Variants in AK7 observed in about 807,000 individuals in gnomAD.
The protein encoded by AK7 is ATP-AMP transphosphorylase 7.
In AK7, 78 loss-of-function variants were observed where a neutral mutation model predicts 96.6. That is an observed-to-expected ratio of 0.81 (90% confidence interval 0.67 to 0.97). The LOEUF (loss-of-function observed/expected upper bound fraction) is 0.97, where lower values mean the gene tolerates loss of function less well. Among genes scored for constraint, AK7 ranks in the 50% least tolerant of loss-of-function variants. The pLI is 0.00. For missense variants in AK7, 855 were observed against 887.9 expected (o/e 0.96, Z 0.47); for synonymous variants, 302 against 317.2 (o/e 0.95, Z 0.51).
chr14:96,445,429 G>A (rs1165058983), intron 7 of AK7, among the ~76,000 whole-genome samples: 1 of 152,188 alleles, frequency 6.6e-6, no homozygotes, highest in African/African-American at 2.4e-5. Context: ...GGAGGCCAAG[G>A]TGGGAGGTTC....
intron 1 of AK7, 67 bp from the exon 2 acceptor site, chr14:96,398,007 AT>A (rs1890172714): frequency 2.7e-6 from 4 of 1,507,328 alleles, no homozygotes; most frequent in Non-Finnish European, 3.6e-6. Context: ...AGTTTCTAGA[AT>A]CATCATTCAC....
At chr14:96,465,820 G>A (rs527964646) in intron 12 of AK7, among the ~76,000 whole-genome samples, 69 of 152,068 alleles carry the variant, frequency 4.5e-4, no homozygotes, top group Non-Finnish European at 5.3e-4. Flanking sequence ...AACCAGCCTG[G>A]CCAAGATGGT....
intron 4 of AK7, among the ~76,000 whole-genome samples, chr14:96,410,091 A>T (rs1055603590): frequency 1.3e-5 from 2 of 152,190 alleles, no homozygotes; most frequent in African/African-American, 4.8e-5. Context: ...TAACAAGGAG[A>T]TATTTAGGGA....
At chr14:96,423,649 C>T (rs1307061333) in intron 5 of AK7, 31 of 613,710 alleles carry the variant, frequency 5.1e-5, no homozygotes, top group Non-Finnish European at 6.2e-6. Context: ...AACTGGAGAA[C>T]ACAGCTCGGG....
At chr14:96,403,427 G>C (rs574517611) in intron 2 of AK7, among the ~76,000 whole-genome samples, 2 of 152,238 alleles carry the variant, frequency 1.3e-5, no homozygotes, top group African/African-American at 4.8e-5. Flanking sequence ...GTGAGACTTT[G>C]GTTGTTCAAG....
chr14:96,457,934 T>A (rs1288484082), intron 11 of AK7, 149 bp from the exon 12 acceptor site: 5 of 964,092 alleles, frequency 5.2e-6, no homozygotes, highest in Non-Finnish European at 7.8e-6. Flanking sequence ...TGTGGATATG[T>A]GCATCCTGCA....
intron 5 of AK7, chr14:96,424,290 G>A (rs923964753): frequency 2.4e-6 from 1 of 408,440 alleles, no homozygotes; most frequent in Admixed American, 4.6e-5. Context: ...CGACACGGGG[G>A]TCTCCGCCAG....
Position 96,428,933 on chromosome 14 carries a change from G to A in AK7, c.609+8001G>A, listed in dbSNP as rs1015421682. On this transcript the variant is annotated intron_variant, in intron 5 of 17. Transcript: ENST00000267584. Reference sequence around the variant, plus strand: ...TAGGTTGCCTGTTCACTCTGATGGCGGTTTATTTTGCTGTGCAGAAGCTCT... The same window carrying A: ...TAGGTTGCCTGTTCACTCTGATGGCAGTTTATTTTGCTGTGCAGAAGCTCT... 5.9e-5 allele frequency among the ~76,000 whole-genome samples: 9 copies of A among 152,066 alleles called. No homozygotes were observed. The East Asian group carries it at 7.7e-4, about 13-fold the overall frequency.
chr14:96,452,878 C>T (rs1287278961), intron 10 of AK7, among the ~76,000 whole-genome samples: 2 of 152,192 alleles, frequency 1.3e-5, no homozygotes, highest in Admixed American at 6.5e-5. Flanking sequence ...AGGGCCGCCA[C>T]ACCTGCCTCT....
At chr14:96,471,254 C>T (rs1232663547) in intron 12 of AK7, among the ~76,000 whole-genome samples, 1 of 150,212 alleles carries the variant, frequency 6.7e-6, no homozygotes, top group Non-Finnish European at 1.5e-5. Context: ...ATTGCAGAGC[C>T]TGGGAGGCTG....
intron 12 of AK7, among the ~76,000 whole-genome samples, chr14:96,468,104 G>T (rs981023238): frequency 8.0e-5 from 12 of 149,954 alleles, no homozygotes; most frequent in South Asian, 2.1e-4. Flanking sequence ...AAATTAGCTG[G>T]GTATGGTGGT....
chr14:96,398,025 C>A lies in AK7; in HGVS notation c.106-50C>A, dbSNP rs768419761. The A allele has an allele frequency of 4.5e-6, 7 of 1,571,864 alleles. No individual in the cohort carries two copies. In the Admixed American group the frequency reaches 1.0e-4, roughly 23 times the overall value. Reference sequence around the variant, plus strand: ...TTCTAGAATCATCATTCACTGGCCCCCTGACTCTAATTTTCTCTTACCATT... The same window carrying A: ...TTCTAGAATCATCATTCACTGGCCCACTGACTCTAATTTTCTCTTACCATT... On this transcript the variant is annotated intron_variant, in intron 1 of 17. Coordinates refer to ENST00000267584, the MANE Select transcript of AK7 (RefSeq NM_152327.5).
chr14:96,437,715 A>C (rs572486060), intron 5 of AK7, 120 bp from the exon 6 acceptor site: 567 of 678,028 alleles, frequency 8.4e-4, no homozygotes, highest in Admixed American at 1.4e-3. Context: ...AACAATACTC[A>C]GTAACCTGCA....
In AK7 at chr14:96,478,580, G is replaced by C; in HGVS notation, c.1671G>C (p.Leu557=). The C allele has an allele frequency of 6.2e-7, 1 of 1,614,198 alleles. No individual in the cohort carries two copies. The highest frequency in any genetic ancestry group is 2.2e-5 in the East Asian group (1 of 44,888). ...GCCAAGACCGATTCCTCCGGGCTCTGAGCAACTACCGGGACATCAATATCG... is the reference window on the plus strand; with the variant it reads ...GCCAAGACCGATTCCTCCGGGCTCTCAGCAACTACCGGGACATCAATATCG... The part of the protein sequence containing the change: ...HYSQDRFLRA[L]SNYRDINIDD... The change falls in exon 15 of 18, where the codon CTG becomes CTC. Residue 557 remains leucine, a synonymous_variant. Coordinates refer to ENST00000267584, the MANE Select transcript of AK7 (RefSeq NM_152327.5).
chr14:96,443,055 A>G (rs74086492), intron 7 of AK7, among the ~76,000 whole-genome samples: 10,601 of 152,154 alleles, frequency 0.07, 1,267 homozygotes, highest in African/African-American at 0.24. Flanking sequence ...TCTCTTAGAA[A>G]CTATCGACAG....
At chr14:96,474,569 G>A (rs1196297944) in intron 14 of AK7, among the ~76,000 whole-genome samples, 1 of 151,726 alleles carries the variant, frequency 6.6e-6, no homozygotes, top group South Asian at 2.1e-4. Context: ...AAGGCTGCAG[G>A]TGCCCTGATT....
chr14:96,477,228 T>C (rs1185679628), intron 14 of AK7, among the ~76,000 whole-genome samples: 1 of 152,220 alleles, frequency 6.6e-6, no homozygotes, highest in African/African-American at 2.4e-5. Context: ...TCAGCCTTTG[T>C]TTTCACAGTT....
intron 14 of AK7, among the ~76,000 whole-genome samples, chr14:96,475,551 A>G (rs142298359): frequency 4.0e-4 from 61 of 152,280 alleles, no homozygotes; most frequent in African/African-American, 1.3e-3. Flanking sequence ...GCTGTGTGAG[A>G]TTAGATAAAT....
chr14:96,477,026 G>A (rs1031211608), intron 14 of AK7, among the ~76,000 whole-genome samples: 11 of 152,148 alleles, frequency 7.2e-5, no homozygotes, highest in Non-Finnish European at 1.3e-4. Context: ...TTTCAGTACC[G>A]TACCAGCATT....
Sources: allele counts gnomAD v4.1 joint callset (sites outside exome capture counted in the v4.1 genomes callset), GRCh38; gene constraint gnomAD v4.1.1; transcripts MANE v1.5; gene names NCBI Gene and HGNC (gene_info 2026-07-23, HGNC 2026-07-21).